Variants in CACNB2 observed in about 807,000 individuals in gnomAD.
The protein encoded by CACNB2 is voltage-dependent L-type calcium channel subunit beta-2.
Under a neutral mutation model 73.3 loss-of-function variants are expected in CACNB2, and 42 were observed. That is an observed-to-expected ratio of 0.57 (90% CI 0.45 to 0.74). CACNB2 has a LOEUF of 0.74. Among genes scored for constraint, CACNB2 ranks in the 30% least tolerant of loss-of-function variants. CACNB2 has a pLI of 0.00. For missense variants in CACNB2, 940 were observed against 853.0 expected, an observed-to-expected ratio of 1.10 and a Z score of -1.27; for synonymous variants, 348 against 310.3, an observed-to-expected ratio of 1.12 and a Z score of -1.28.
At chr10:18,491,816 G>T (rs2049444824) in intron 3 of CACNB2, among the ~76,000 whole-genome samples, 1 of 52,526 alleles carries the variant, frequency 1.9e-5, no homozygotes, top group Non-Finnish European at 3.4e-5. Context: ...ACTTCAAGTT[G>T]GTTAAAAAAA....
chr10:18,459,673 G>A (rs548334243), intron 3 of CACNB2, among the ~76,000 whole-genome samples: 2 of 152,258 alleles, frequency 1.3e-5, no homozygotes, highest in East Asian at 1.9e-4. Flanking sequence ...GATATGTTAT[G>A]TAGTTATTTG....
At chr10:18,493,054 A>T (rs2049548898) in intron 3 of CACNB2, among the ~76,000 whole-genome samples, 1 of 152,272 alleles carries the variant, frequency 6.6e-6, no homozygotes, top group Non-Finnish European at 1.5e-5. Flanking sequence ...TGATAGACTT[A>T]AAAAGCAATA....
intron 2 of CACNB2, among the ~76,000 whole-genome samples, chr10:18,255,183 A>T (rs1353475703): frequency 6.6e-6 from 1 of 152,162 alleles, no homozygotes; most frequent in Non-Finnish European, 1.5e-5. Context: ...AAAGATCCCC[A>T]GCGTGGCCCT....
At chr10:18,373,654 A>G (rs2042677151) in intron 2 of CACNB2, among the ~76,000 whole-genome samples, 1 of 152,046 alleles carries the variant, frequency 6.6e-6, no homozygotes, top group Non-Finnish European at 1.5e-5. Context: ...CACCCTCACA[A>G]TTTCTCATTT....
chr10:18,232,320 G>A (rs1256888604), intron 2 of CACNB2, among the ~76,000 whole-genome samples: 3 of 152,078 alleles, frequency 2.0e-5, no homozygotes, highest in African/African-American at 7.2e-5. Context: ...GCAGAAGAGT[G>A]AACTTAGGAA....
intron 3 of CACNB2, among the ~76,000 whole-genome samples, chr10:18,413,331 C>T (rs1169524181): frequency 6.6e-6 from 1 of 152,176 alleles, no homozygotes; most frequent in Non-Finnish European, 1.5e-5. Context: ...AGGGTTTCAC[C>T]TCAGGAGCGA....
chr10:18,220,245 A>AGGGGG (rs1463327947), intron 2 of CACNB2, among the ~76,000 whole-genome samples: 1 of 98,244 alleles, frequency 1.0e-5, no homozygotes, highest in African/African-American at 5.3e-5. Context: ...AGAGAGAGAG[A>AGGGGG]GAGAGAGAGA....
intron 10 of CACNB2, among the ~76,000 whole-genome samples, chr10:18,532,272 A>G (rs1286160903): frequency 6.6e-6 from 1 of 152,160 alleles, no homozygotes; most frequent in Non-Finnish European, 1.5e-5. Flanking sequence ...GGCTACCACA[A>G]ATATCTTTAT....
intron 9 of CACNB2, among the ~76,000 whole-genome samples, chr10:18,525,323 CTCATTTCCCTAGGAAGG>C (rs1279579517): frequency 6.6e-6 from 1 of 152,126 alleles, no homozygotes; most frequent in Admixed American, 6.6e-5. Flanking sequence ...CAAAAACCTT[CTCATTTCCCTAGGAAGG>C]GTATATACAT....
At chr10:18,312,294 C>T (rs755032923) in intron 2 of CACNB2, among the ~76,000 whole-genome samples, 6 of 152,058 alleles carry the variant, frequency 3.9e-5, no homozygotes, top group South Asian at 2.1e-4. Context: ...TCTATTGAGC[C>T]GAACTCTCTT....
intron 1 of CACNB2, among the ~76,000 whole-genome samples, chr10:18,144,773 C>A (rs886512004): frequency 2.0e-5 from 3 of 152,186 alleles, no homozygotes; most frequent in Non-Finnish European, 2.9e-5. Flanking sequence ...CTGGGTTAAA[C>A]AAATGCATTG....
chr10:18,388,544 C>T (rs2043330373), intron 2 of CACNB2, among the ~76,000 whole-genome samples: 1 of 152,036 alleles, frequency 6.6e-6, no homozygotes, highest in African/African-American at 2.4e-5. Context: ...GATGGTGTAG[C>T]CTGTTTTTTT....
At chr10:18,208,303 C>T (rs975260615) in intron 2 of CACNB2, among the ~76,000 whole-genome samples, 2 of 152,034 alleles carry the variant, frequency 1.3e-5, no homozygotes, top group Admixed American at 6.6e-5. Context: ...CCTATCTGTA[C>T]ACACACAAAA....
chr10:18,208,368 C>G (rs1424338475), intron 2 of CACNB2, among the ~76,000 whole-genome samples: 1 of 152,032 alleles, frequency 6.6e-6, no homozygotes, highest in Non-Finnish European at 1.5e-5. Flanking sequence ...CCCAGCTACA[C>G]TTGGCATGCT....
At chr10:18,259,746 A>T (rs2037452129) in intron 2 of CACNB2, among the ~76,000 whole-genome samples, 1 of 150,806 alleles carries the variant, frequency 6.6e-6, no homozygotes, top group Non-Finnish European at 1.5e-5. Context: ...AAAAAAAAAA[A>T]AAAAAAATTA....
chr10:18,387,776 C>T (rs570042298), intron 2 of CACNB2, among the ~76,000 whole-genome samples: 24 of 149,656 alleles, frequency 1.6e-4, no homozygotes, highest in African/African-American at 5.4e-4. Flanking sequence ...TTTTTTTTAG[C>T]GACAGGCTCT....
intron 2 of CACNB2, among the ~76,000 whole-genome samples, chr10:18,189,895 T>C (rs2034318925): frequency 6.6e-6 from 1 of 152,170 alleles, no homozygotes; most frequent in Admixed American, 6.5e-5. Context: ...AGAAAAGTGA[T>C]TGTTGGTTTT....
chr10:18,525,365 C>G (rs1018076847), intron 9 of CACNB2, among the ~76,000 whole-genome samples: 1 of 151,988 alleles, frequency 6.6e-6, no homozygotes, highest in African/African-American at 2.4e-5. Context: ...TTTTCAATAG[C>G]CTGAATGTTT....
intron 3 of CACNB2, among the ~76,000 whole-genome samples, chr10:18,406,150 G>A (rs935728298): frequency 2.0e-5 from 3 of 152,172 alleles, no homozygotes; most frequent in African/African-American, 4.8e-5. Context: ...CAGGTCTTTT[G>A]CCTGCAAGAA....
Sources: allele counts gnomAD v4.1 joint callset (sites outside exome capture counted in the v4.1 genomes callset), GRCh38; gene constraint gnomAD v4.1.1; transcripts MANE v1.5; gene names NCBI Gene and HGNC (gene_info 2026-07-23, HGNC 2026-07-21).